The following STAG3 variants were observed in gnomAD, a reference collection of about 807,000 sequenced individuals.
The protein encoded by STAG3 is STAG3 cohesin complex component, also known as cohesin subunit SA-3.
STAG3 carries 101 observed loss-of-function variants against 160.7 expected under a neutral mutation model. The ratio of observed to expected loss-of-function variants is 0.63; its 90% CI spans 0.54 to 0.74. The LOEUF (loss-of-function observed/expected upper bound fraction) is 0.74. STAG3 is among the 30% of genes least tolerant of loss of function. STAG3 has a pLI of 0.00. For synonymous variants in STAG3, 519 were observed against 585.0 expected (o/e 0.89, Z 1.63); for missense variants, 1,188 against 1,517.4 (o/e 0.78, Z 3.61).
intron 19 of STAG3, 39 bp from the exon 20 acceptor site, chr7:100,201,051 C>A (rs768059895): frequency 1.2e-6 from 2 of 1,613,900 alleles, no homozygotes; most frequent in Non-Finnish European, 1.7e-6. Context: ...CTGATGAGTT[C>A]TGGGGGAAAT....
chr7:100,202,516 G>A lies in STAG3; in HGVS notation c.2626G>A (p.Gly876Arg). ...ACACCAGCGGCGCCGCCTCCTAGCC[G>A]GGTTCTGCAAGCTGTTGCTTTATGG... is the stretch of plus-strand genomic sequence containing the variant. ...RLHQRRRLLA[G>R]FCKLLLYGVL... Residue 876 changes from glycine (G) to arginine (R), a missense_variant, in exon 25 of 34, where the codon GGG becomes AGG. By Grantham distance (125) the Gly-to-Arg change is moderately radical (BLOSUM62 -2). Around this residue, in one of 4 missense-constraint regions of STAG3, gnomAD observed 647 missense variants for 717.2 expected, o/e 0.90. Transcript: ENST00000615138. The A allele has an allele frequency of 5.0e-6, 8 of 1,614,188 alleles. No individual in the cohort carries two copies. The highest frequency in any genetic ancestry group is 1.1e-5 in the South Asian group (1 of 91,086).
At chr7:100,189,266 G>C (rs1800210363) in intron 7 of STAG3, among the ~76,000 whole-genome samples, 179 bp from the exon 8 acceptor site, 1 of 152,178 alleles carries the variant, frequency 6.6e-6, no homozygotes, top group Non-Finnish European at 1.5e-5. Flanking sequence ...GTTAAAAGAA[G>C]ACCACAAGGG....
At position 100,205,390 on chromosome 7, in the gene STAG3, G is replaced by A. The variant is rs763332996; in HGVS notation, c.3238+6G>A. 4 of 1,609,646 alleles carry A rather than the reference G, an allele frequency of 2.5e-6. No individual in the cohort carries two copies. The highest frequency in any genetic ancestry group is 4.5e-5 in the East Asian group (2 of 44,826). ...CAAGAGGAGGCGCGTTGAAGGTAGG[G>A]TGCTGTGTGTGGGTATGGGGGTGCC... On this transcript the variant is annotated splice_donor_region_variant and intron_variant, in intron 29 of 33. Coordinates refer to ENST00000615138, the MANE Select transcript of STAG3 (RefSeq NM_001282717.2).
chr7:100,217,374 C>A (rs1463136274), downstream of STAG3, among the ~76,000 whole-genome samples: 3 of 152,208 alleles, frequency 2.0e-5, no homozygotes, highest in Non-Finnish European at 4.4e-5. Context: ...CTGAGGCCAG[C>A]TTAGGTAGCA....
At chr7:100,211,988 A>G in intron 32 of STAG3, 112 bp downstream of exon 32, 1 of 962,146 alleles carries the variant, frequency 1.0e-6, no homozygotes, top group East Asian at 2.6e-5. Context: ...GGAAAAGCTG[A>G]ATGAATCTAG....
intron 32 of STAG3, 110 bp downstream of exon 32, chr7:100,211,986 T>C: frequency 2.1e-6 from 2 of 968,468 alleles, no homozygotes; most frequent in Non-Finnish European, 3.1e-6. Flanking sequence ...CTGGAAAAGC[T>C]GAATGAATCT....
chr7:100,201,924 C>G (rs1326869496), intron 22 of STAG3, 25 bp from the exon 23 acceptor site: 24 of 1,614,092 alleles, frequency 1.5e-5, no homozygotes, highest in Non-Finnish European at 2.0e-5. Flanking sequence ...CTTCATTCTT[C>G]CCCTTCAAGC....
In STAG3 at chr7:100,207,158, T is replaced by C. The variant is rs1801728158; in HGVS notation, c.3238+1774T>C. On this transcript the variant is annotated intron_variant, in intron 29 of 33. Transcript: ENST00000615138. The surrounding 1 kb of genome is among the most constrained non-coding windows in gnomAD (Gnocchi z 4.0). Reference sequence around the variant, plus strand: ...TCAGTTGATTGACATTTGGGCTCTTTTATGCATAATGCTGCTAAACATGCA... The same window carrying C: ...TCAGTTGATTGACATTTGGGCTCTTCTATGCATAATGCTGCTAAACATGCA... 6.6e-6 allele frequency among the ~76,000 whole-genome samples: 1 copy of C among 152,250 alleles called. No individual in the cohort carries two copies. Among genetic ancestry groups the C allele is most frequent in the South Asian group, 2.1e-4 (1 of 4,832 alleles).
intron 16 of STAG3, among the ~76,000 whole-genome samples, 194 bp downstream of exon 16, chr7:100,199,838 G>A (rs1445476715): frequency 6.6e-6 from 1 of 151,416 alleles, no homozygotes; most frequent in African/African-American, 2.4e-5. Flanking sequence ...GGCAGATCAC[G>A]AGGTCAGGAG....
At chr7:100,189,309 G>A (rs748922010) in intron 7 of STAG3, 136 bp from the exon 8 acceptor site, 18 of 1,022,664 alleles carry the variant, frequency 1.8e-5, no homozygotes, top group African/African-American at 9.7e-5. Flanking sequence ...AGGACAGGCC[G>A]TCTTAGGATT....
In STAG3 at chr7:100,213,739, CAAGT is replaced by C; in HGVS notation, c.3607_3610del (p.Ser1203AlafsTer13). 1 of 1,614,234 alleles carries C rather than the reference CAAGT, an allele frequency of 6.2e-7. No individual in the cohort carries two copies. The highest frequency in any genetic ancestry group is 8.5e-7 in the Non-Finnish European group (1 of 1,180,028). ...TTTTAACCTCATTCTCTCTAGCAAG[CAAGT>C]AGCTACTCTTCCACCAGTGAGCGCG... On this transcript the variant is annotated frameshift_variant, in exon 33 of 34. Coordinates refer to ENST00000615138, the MANE Select transcript of STAG3 (RefSeq NM_001282717.2). LOFTEE classifies it high-confidence loss of function.
At chr7:100,201,621 T>C in intron 21 of STAG3, 165 bp from the exon 22 acceptor site, 1 of 668,818 alleles carries the variant, frequency 1.5e-6, no homozygotes, top group Non-Finnish European at 2.6e-6. Context: ...TTCTACTTCG[T>C]GTAGATGCCT....
chr7:100,187,030 GT>G (rs373495958), intron 5 of STAG3, among the ~76,000 whole-genome samples: 1 of 149,250 alleles, frequency 6.7e-6, no homozygotes, highest in African/African-American at 2.5e-5. Context: ...TCTTTGTTTT[GT>G]TTTTTTTTGT....
At position 100,201,824 on chromosome 7, in the gene STAG3, T is replaced by A. The variant is rs201153813; in HGVS notation, c.2259T>A (p.Ile753=). ...LPALTLVYFS[I]LWTLTHISKS... Reference sequence around the variant, plus strand: ...CCTTGACTCTTGTCTATTTTTCCATTCTCTGGACACTAACCCACATTTCTA... The same window carrying A: ...CCTTGACTCTTGTCTATTTTTCCATACTCTGGACACTAACCCACATTTCTA... Residue 753 remains isoleucine, a synonymous_variant, in exon 22 of 34, where the codon ATT becomes ATA. Coordinates refer to ENST00000615138, the MANE Select transcript of STAG3 (RefSeq NM_001282717.2). 1.3e-4 allele frequency: 213 copies of A among 1,614,172 alleles called. No individual in the cohort carries two copies. The highest frequency in any genetic ancestry group is 6.6e-4 in the Middle Eastern group (4 of 6,062).
At position 100,211,778 on chromosome 7, in the gene STAG3, C is replaced by G; in HGVS notation, c.3519-17C>G. ...AAAGAACAGTTTGAAAAGCCAGTCT[C>G]TTTGCCCCTACATCAGACTCAGCCT... On this transcript the variant is annotated splice_polypyrimidine_tract_variant and intron_variant, in intron 31 of 33. Coordinates refer to ENST00000615138, the MANE Select transcript of STAG3 (RefSeq NM_001282717.2). 6.2e-7 allele frequency: 1 copy of G among 1,613,364 alleles called. No homozygotes were observed. The highest frequency in any genetic ancestry group is 8.5e-7 in the Non-Finnish European group (1 of 1,179,626).
At chr7:100,202,428 T>C (rs1165486282) in intron 24 of STAG3, 26 bp from the exon 25 acceptor site, 3 of 1,610,742 alleles carry the variant, frequency 1.9e-6, no homozygotes, top group Non-Finnish European at 2.5e-6. Context: ...AGTCTGTGAT[T>C]CCCTTTTGCC....
At chr7:100,201,587 G>A in intron 21 of STAG3, 199 bp from the exon 22 acceptor site, 1 of 635,234 alleles carries the variant, frequency 1.6e-6, no homozygotes, top group South Asian at 1.9e-5. Flanking sequence ...AGAAGACGTA[G>A]AGTAAATTAG....
intron 29 of STAG3, among the ~76,000 whole-genome samples, chr7:100,205,923 A>C (rs1801608571): frequency 6.6e-6 from 1 of 151,798 alleles, no homozygotes; most frequent in South Asian, 2.1e-4. Context: ...GTATTCCATT[A>C]TTTTCGAAAC....
chr7:100,209,523 C>G (rs1138417), intron 29 of STAG3, among the ~76,000 whole-genome samples: 111,599 of 152,066 alleles, frequency 0.73, 41,903 homozygotes, highest in Middle Eastern at 0.86. Flanking sequence ...AGTAGGAAAA[C>G]CATTGGAGGA....
Sources: gnomAD v4.1 joint callset for allele counts (sites outside exome capture counted in the v4.1 genomes callset) on GRCh38, gnomAD v4.1.1 for gene constraint, gnomAD v4.1.1 regional missense constraint, Gnocchi (gnomAD v3.1) non-coding constraint, MANE v1.5 for transcripts, NCBI Gene and HGNC (gene_info 2026-07-23, HGNC 2026-07-21) for gene names.